ME1: variants seen among roughly 807,000 people sequenced by gnomAD.
ME1 encodes the protein malic enzyme 1, also known as NADP-dependent malic enzyme.
In ME1, 74 loss-of-function variants were observed where a neutral mutation model predicts 66.4. The ratio of observed to expected loss-of-function variants is 1.11; its 90% CI spans 0.92 to 1.35. ME1 has a LOEUF of 1.35. Among genes scored for constraint, ME1 ranks in the 40% most tolerant of loss-of-function variants. ME1 has a pLI of 0.00. For missense variants in ME1, 750 were observed against 694.1 expected (o/e 1.08, Z -0.90); for synonymous variants, 251 against 235.6 (o/e 1.07, Z -0.60).
chr6:83,385,175 T>C (rs907950585), intron 3 of ME1, among the ~76,000 whole-genome samples: 1 of 151,914 alleles, frequency 6.6e-6, no homozygotes, highest in Non-Finnish European at 1.5e-5. Context: ...AAAACCATGG[T>C]ATGCAAAACT....
At chr6:83,371,686 C>T (rs3778201) in intron 3 of ME1, among the ~76,000 whole-genome samples, 48,780 of 151,938 alleles carry the variant, frequency 0.32, 8,206 homozygotes, top group Middle Eastern at 0.5. Context: ...ACTAAGAAAA[C>T]GATCCCTTCA....
chr6:83,333,356 A>T (rs1415043870), intron 5 of ME1, among the ~76,000 whole-genome samples: 2 of 152,310 alleles, frequency 1.3e-5, no homozygotes, highest in South Asian at 4.1e-4. Context: ...CTACATAAAA[A>T]CACCATTACA....
In ME1 at chr6:83,246,078, G is replaced by A. The variant is rs553876702; in HGVS notation, c.815-6442C>T. On this transcript the variant is annotated intron_variant, in intron 7 of 13. Transcript: ENST00000369705. ...TGTCTAGTATTTTGTCAAATAAGTGGTGACATAATGAAGAATGTCATTGAT... is the reference window on the plus strand; with the variant it reads ...TGTCTAGTATTTTGTCAAATAAGTGATGACATAATGAAGAATGTCATTGAT... Among the ~76,000 whole-genome samples, 151 of 152,188 alleles carry A rather than the reference G, an allele frequency of 9.9e-4. 2 individuals carry two copies. Among genetic ancestry groups the A allele is most frequent in the South Asian group, 8.3e-4 (4 of 4,828 alleles).
At chr6:83,296,333 G>C (rs1007131204) in intron 6 of ME1, among the ~76,000 whole-genome samples, 4 of 152,274 alleles carry the variant, frequency 2.6e-5, no homozygotes, top group South Asian at 2.1e-4. Flanking sequence ...GATCAAGTAG[G>C]CTTCATCCCT....
In ME1 at chr6:83,430,153, T is replaced by A. The variant is rs144247684; in HGVS notation, c.78+724A>T. ...AAAAAGAGAGCAGCTCTAAACAAAA[T>A]TTTTTTTTAACTTCCAGAAAGCCAA... On this transcript the variant is annotated intron_variant, in intron 1 of 13. Coordinates refer to ENST00000369705, the MANE Select transcript of ME1 (RefSeq NM_002395.6). Among the ~76,000 whole-genome samples, 1,070 of 151,576 alleles carry A rather than the reference T, an allele frequency of 7.1e-3. 13 individuals carry two copies. Among genetic ancestry groups the A allele is most frequent in the African/African-American group, 0.024 (1,002 of 41,326 alleles).
chr6:83,319,194 C>T (rs1335935868), intron 5 of ME1, among the ~76,000 whole-genome samples: 3 of 150,918 alleles, frequency 2.0e-5, no homozygotes, highest in African/African-American at 7.3e-5. Flanking sequence ...GGGAGATATA[C>T]CTAATGCTAG....
At chr6:83,214,636 AT>A (rs2128522279) in intron 13 of ME1, among the ~76,000 whole-genome samples, 1 of 152,020 alleles carries the variant, frequency 6.6e-6, no homozygotes, top group East Asian at 1.9e-4. Flanking sequence ...TCTCATTTTT[AT>A]TTCCTTTCTA....
intron 5 of ME1, among the ~76,000 whole-genome samples, chr6:83,317,265 G>A (rs1345090071): frequency 6.6e-6 from 1 of 152,176 alleles, no homozygotes; most frequent in Non-Finnish European, 1.5e-5. Context: ...ATGATTTAAA[G>A]TGAAGACTAC....
chr6:83,262,747 T>C (rs1162865587), intron 6 of ME1, among the ~76,000 whole-genome samples: 3 of 152,182 alleles, frequency 2.0e-5, no homozygotes, highest in Non-Finnish European at 2.9e-5. Context: ...GAAAAATATA[T>C]GGTAGTGAGT....
rs1198412255 is a variant in ME1, at chr6:83,334,377, C to G, written c.600+11796G>C. 5.0e-3 allele frequency among the ~76,000 whole-genome samples: 432 copies of G among 86,410 alleles called. 6 individuals are homozygous for G. Among genetic ancestry groups the G allele is most frequent in the African/African-American group, 0.019 (409 of 21,130 alleles). 56.7% of individuals were successfully genotyped at this position (86,410 alleles called of 152,430 possible). ...CTGAGATCAAACTGCAAGGCGGCAA[C>G]GAGGCTGGGGGAGGGGCGCCCGCCA... On this transcript the variant is annotated intron_variant, in intron 5 of 13. Coordinates refer to ENST00000369705, the MANE Select transcript of ME1 (RefSeq NM_002395.6).
At chr6:83,251,804 C>T (rs1172741521) in intron 7 of ME1, among the ~76,000 whole-genome samples, 1 of 152,106 alleles carries the variant, frequency 6.6e-6, no homozygotes. Context: ...GGGCCACATT[C>T]AGGATTTTCA....
At chr6:83,403,857 T>C (rs561519242) in intron 2 of ME1, among the ~76,000 whole-genome samples, 7 of 152,340 alleles carry the variant, frequency 4.6e-5, no homozygotes, top group Admixed American at 2.0e-4. Context: ...TGCATAGCAT[T>C]CTATGGTGTA....
At chr6:83,297,953 A>G (rs755581638) in intron 6 of ME1, among the ~76,000 whole-genome samples, 4 of 152,174 alleles carry the variant, frequency 2.6e-5, no homozygotes, top group African/African-American at 9.7e-5. Flanking sequence ...TTCTTTATCC[A>G]GTCTATCATT....
chr6:83,420,761 C>G (rs907137258), intron 1 of ME1, among the ~76,000 whole-genome samples: 12 of 152,166 alleles, frequency 7.9e-5, no homozygotes, highest in Non-Finnish European at 1.5e-4. Flanking sequence ...CAAATTATTA[C>G]AGAATACCTA....
At position 83,227,737 on chromosome 6, in the gene ME1, T is replaced by A. The variant is rs184133587; in HGVS notation, c.1133-260A>T. Among the ~76,000 whole-genome samples the A allele has an allele frequency of 3.8e-3, 581 of 152,336 alleles. 2 individuals carry two copies. Among genetic ancestry groups the A allele is most frequent in the African/African-American group, 0.013 (559 of 41,572 alleles). ...ATAATATTTGGCTTCCATAGTACAT[T>A]GAGTTAGTTACCAATCACTTGGAAA... On this transcript the variant is annotated intron_variant, in intron 10 of 13. Coordinates refer to ENST00000369705, the MANE Select transcript of ME1 (RefSeq NM_002395.6).
intron 6 of ME1, among the ~76,000 whole-genome samples, chr6:83,262,767 T>A (rs762884158): frequency 2.0e-5 from 3 of 152,174 alleles, no homozygotes; most frequent in African/African-American, 4.8e-5. Flanking sequence ...TGTTGCCATC[T>A]AAGAGAAAAG....
chr6:83,230,465 C>T (rs1790283781), intron 9 of ME1, among the ~76,000 whole-genome samples: 1 of 152,066 alleles, frequency 6.6e-6, no homozygotes, highest in African/African-American at 2.4e-5. Context: ...GGACTTCTAC[C>T]TCATCAGGTT....
intron 6 of ME1, among the ~76,000 whole-genome samples, chr6:83,300,843 T>C (rs1767701729): frequency 6.6e-6 from 1 of 152,142 alleles, no homozygotes; most frequent in Non-Finnish European, 1.5e-5. Flanking sequence ...ATGGTACATA[T>C]ACACCATGGA....
chr6:83,416,177 CAT>C (rs1443301275), intron 1 of ME1, among the ~76,000 whole-genome samples: 3 of 152,072 alleles, frequency 2.0e-5, no homozygotes, highest in Non-Finnish European at 4.4e-5. Flanking sequence ...TTACTGAACA[CAT>C]AGTACATGTT....
Sources: allele counts gnomAD v4.1 joint callset (sites outside exome capture counted in the v4.1 genomes callset), GRCh38; gene constraint gnomAD v4.1.1; transcripts MANE v1.5; gene names NCBI Gene and HGNC (gene_info 2026-07-23, HGNC 2026-07-21).